Variants in FAR2 observed in about 807,000 individuals in gnomAD.
FAR2 encodes fatty acyl-CoA reductase 2, also known as epididymis secretory protein Li 81.
Under a neutral mutation model 56.0 loss-of-function variants are expected in FAR2, and 19 were observed. The observed-to-expected ratio is 0.34, with a 90% CI of 0.24 to 0.50. FAR2 has a LOEUF of 0.50. Ranked by LOEUF, FAR2 falls within the 20% of genes least tolerant of loss-of-function variation. FAR2 has a pLI of 0.98. For synonymous variants in FAR2, 219 were observed against 218.8 expected (o/e 1.00, Z -0.01); for missense variants, 508 against 642.2 (o/e 0.79, Z 2.26).
chr12:29,225,690 TCCAAAATAAACAAG>T (rs1947755968), intron 1 of FAR2, among the ~76,000 whole-genome samples: 1 of 152,120 alleles, frequency 6.6e-6, no homozygotes, highest in Admixed American at 6.6e-5. Flanking sequence ...ACTTGGAAAT[TCCAAAATAAACAAG>T]CAGCGAAGGT....
chr12:29,227,922 A>G (rs2136646826), intron 1 of FAR2, among the ~76,000 whole-genome samples: 1 of 152,160 alleles, frequency 6.6e-6, no homozygotes, highest in Non-Finnish European at 1.5e-5. Context: ...TTTAAGAAGT[A>G]AGTTCTAATG....
At chr12:29,151,169 T>C (rs1301251946) in intron 1 of FAR2, among the ~76,000 whole-genome samples, 2 of 152,192 alleles carry the variant, frequency 1.3e-5, no homozygotes, top group African/African-American at 4.8e-5. Context: ...TTAATTCCCA[T>C]GCACTCATGA....
intron 1 of FAR2, among the ~76,000 whole-genome samples, chr12:29,213,313 A>T (rs575496406): frequency 1.4e-4 from 22 of 152,272 alleles, no homozygotes; most frequent in African/African-American, 4.8e-4. Context: ...TGCAGAGGCC[A>T]TAGAACATTA....
At chr12:29,153,737 G>A (rs1267993162) in intron 1 of FAR2, among the ~76,000 whole-genome samples, 1 of 152,158 alleles carries the variant, frequency 6.6e-6, no homozygotes, top group Non-Finnish European at 1.5e-5. Flanking sequence ...AGGGAGAGAA[G>A]TGCACAGACT....
At chr12:29,330,211 G>T (rs892175231) in intron 10 of FAR2, among the ~76,000 whole-genome samples, 1 of 151,850 alleles carries the variant, frequency 6.6e-6, no homozygotes, top group Non-Finnish European at 1.5e-5. Flanking sequence ...CGCATGCCAC[G>T]ACGCCTGGCT....
chr12:29,269,635 C>T (rs1948579790), intron 1 of FAR2, among the ~76,000 whole-genome samples: 1 of 152,200 alleles, frequency 6.6e-6, no homozygotes. Flanking sequence ...GCAGTAAAGA[C>T]AGGCATAATA....
Position 29,333,949 on chromosome 12 carries a change from A to T in FAR2, c.*155A>T, listed in dbSNP as rs971903381. On this transcript the variant is annotated 3_prime_UTR_variant, in exon 12 of 12. Coordinates refer to ENST00000536681, the MANE Select transcript of FAR2 (RefSeq NM_001271783.2). ...CCCTATTCCTTAACTATGTATTTTT[A>T]TTTCAGTGAGAGAAGGAAAGTTGTA... 9.6e-6 allele frequency: 6 copies of T among 624,944 alleles called. 1 individual carries two copies. Among genetic ancestry groups the T allele is most frequent in the Admixed American group, 7.4e-5 (2 of 27,104 alleles). The allele number at this position is 624,944 out of a possible 1,614,324, so 38.7% of individuals were successfully genotyped here.
In FAR2 at chr12:29,316,447, A is replaced by C. The variant is rs567087584; in HGVS notation, c.956-394A>C. On this transcript the variant is annotated intron_variant, in intron 8 of 11. Coordinates refer to ENST00000536681, the MANE Select transcript of FAR2 (RefSeq NM_001271783.2). ...CAAATAAAATGTTAAGAAACTTTCT[A>C]AATGGTTCTGAAAGTAATGGTCCAG... is the stretch of plus-strand genomic sequence containing the variant. 1.2e-4 allele frequency among the ~76,000 whole-genome samples: 19 copies of C among 152,338 alleles called. No individual in the cohort carries two copies. The South Asian group carries it at 3.9e-3, about 32-fold the overall frequency.
At chr12:29,266,527 G>A (rs2194518) in intron 1 of FAR2, among the ~76,000 whole-genome samples, 39,994 of 151,724 alleles carry the variant, frequency 0.26, 6,548 homozygotes, top group Non-Finnish European at 0.37. Flanking sequence ...TGAAGGGAGT[G>A]GGTAATGGGA....
At chr12:29,309,404 C>A (rs560409678) in intron 6 of FAR2, among the ~76,000 whole-genome samples, 174 bp downstream of exon 6, 2 of 152,122 alleles carry the variant, frequency 1.3e-5, no homozygotes, top group Admixed American at 6.5e-5. Context: ...TGAAATTATT[C>A]TTTGAGAATT....
At chr12:29,284,864 T>C (rs958993921) in intron 2 of FAR2, among the ~76,000 whole-genome samples, 16 of 151,000 alleles carry the variant, frequency 1.1e-4, no homozygotes, top group Non-Finnish European at 1.8e-4. Flanking sequence ...TGTTTTGAGA[T>C]GGAGTCTCGC....
At chr12:29,154,224 A>G (rs1949704332) in intron 1 of FAR2, among the ~76,000 whole-genome samples, 1 of 152,076 alleles carries the variant, frequency 6.6e-6, no homozygotes, top group Admixed American at 6.5e-5. Context: ...TCCAAAACAT[A>G]ATTTACTCCC....
At chr12:29,159,519 C>T (rs1204111246) in intron 1 of FAR2, among the ~76,000 whole-genome samples, 9 of 12,908 alleles carry the variant, frequency 7.0e-4, no homozygotes, top group Non-Finnish European at 2.5e-3. Context: ...GACTCTGTCT[C>T]GGAAAAAAAA....
chr12:29,196,929 T>G (rs2136612290), intron 1 of FAR2, among the ~76,000 whole-genome samples: 2 of 152,158 alleles, frequency 1.3e-5, no homozygotes, highest in South Asian at 4.1e-4. Flanking sequence ...AGAAAAACCA[T>G]CTCATTAAAA....
rs1287230552 is a variant in FAR2, at chr12:29,334,324, G to A, written c.*530G>A. 6.6e-6 allele frequency: 1 copy of A among 152,070 alleles called. No homozygotes were observed. The highest frequency in any genetic ancestry group is 2.4e-5 in the African/African-American group (1 of 41,400). The allele number at this position is 152,070 out of a possible 1,614,324, so 9.4% of individuals were successfully genotyped here. On this transcript the variant is annotated 3_prime_UTR_variant, in exon 12 of 12. Transcript: ENST00000536681. ...CTTTCTTTCTATGTTATACCCTGGA[G>A]TCCTGGTTGAGGGGTGGGGGAATCA... is the stretch of plus-strand genomic sequence containing the variant.
chr12:29,191,381 G>A (rs1475468029), intron 1 of FAR2, among the ~76,000 whole-genome samples: 1 of 152,224 alleles, frequency 6.6e-6, no homozygotes, highest in Non-Finnish European at 1.5e-5. Flanking sequence ...CCATAAAAGT[G>A]TAAGGAGAAA....
chr12:29,308,846 T>C (rs917403795), intron 5 of FAR2, among the ~76,000 whole-genome samples: 2 of 151,576 alleles, frequency 1.3e-5, no homozygotes, highest in Non-Finnish European at 2.9e-5. Flanking sequence ...AGGACTAAGG[T>C]GGAGAAGTAT....
intron 1 of FAR2, among the ~76,000 whole-genome samples, chr12:29,170,163 A>G (rs1565679943): frequency 6.6e-6 from 1 of 152,234 alleles, no homozygotes; most frequent in Non-Finnish European, 1.5e-5. Context: ...TGAGCAGACC[A>G]GTTGTTAGGC....
At chr12:29,272,576 A>G (rs1301712497) in intron 2 of FAR2, among the ~76,000 whole-genome samples, 1 of 152,200 alleles carries the variant, frequency 6.6e-6, no homozygotes, top group Non-Finnish European at 1.5e-5. Context: ...AGGTTAGAAC[A>G]TGCTCCTTTA....
Sources: gnomAD v4.1 joint callset for allele counts (sites outside exome capture counted in the v4.1 genomes callset) on GRCh38, gnomAD v4.1.1 for gene constraint, MANE v1.5 for transcripts, NCBI Gene and HGNC (gene_info 2026-07-23, HGNC 2026-07-21) for gene names.